CYSLTR2: variants seen among roughly 807,000 people sequenced by gnomAD.
CYSLTR2 encodes cysteinyl leukotriene receptor 2.
For missense variants in CYSLTR2, 398 were observed against 411.9 expected (o/e 0.97, Z 0.29); for synonymous variants, 179 against 160.8 (o/e 1.11, Z -0.86).
intron 1 of CYSLTR2, among the ~76,000 whole-genome samples, chr13:48,681,821 G>A (rs894171849): frequency 3.3e-5 from 5 of 152,092 alleles, no homozygotes; most frequent in South Asian, 2.1e-4. Context: ...TGGAACAAGC[G>A]GTGGTCTTCA....
At chr13:48,656,421 A>T (rs1329666502) in intron 1 of CYSLTR2, among the ~76,000 whole-genome samples, 2 of 152,026 alleles carry the variant, frequency 1.3e-5, no homozygotes, top group South Asian at 4.1e-4. Context: ...TTTTTTCATC[A>T]ATACTCACTC....
chr13:48,707,049 C>A lies in CYSLTR2; in HGVS notation c.232C>A (p.Leu78Ile), dbSNP rs1487808625. 1.2e-6 allele frequency: 2 copies of A among 1,614,168 alleles called. No homozygotes were observed. Among genetic ancestry groups the A allele is most frequent in the African/African-American group, 2.7e-5 (2 of 75,030 alleles). Residue 78 changes from leucine to isoleucine, a missense_variant, in exon 5 of 5, where the codon CTA becomes ATA. By Grantham distance (5) the Leu-to-Ile change is conservative (BLOSUM62 2). Coordinates refer to ENST00000682523, the MANE Select transcript of CYSLTR2 (RefSeq NM_001308476.3). ...GTCCACATCTGTGAACGTTTTCATG[C>A]TAAATCTGGCCATTTCAGATCTCCT... ...KKSTSVNVFM[L>I]NLAISDLLFI...
At chr13:48,695,407 TTCTC>T in intron 3 of CYSLTR2, among the ~76,000 whole-genome samples, 1 of 98,356 alleles carries the variant, frequency 1.0e-5, no homozygotes, top group East Asian at 2.7e-4. Flanking sequence ...CTCTCTCTCT[TTCTC>T]TCTCTCTCTC....
At chr13:48,689,493 C>T (rs1953980460) in intron 1 of CYSLTR2, among the ~76,000 whole-genome samples, 1 of 152,140 alleles carries the variant, frequency 6.6e-6, no homozygotes, top group African/African-American at 2.4e-5. Flanking sequence ...TTTTCCAACA[C>T]CATTTATTAA....
intron 4 of CYSLTR2, among the ~76,000 whole-genome samples, chr13:48,698,585 C>A (rs966091699): frequency 6.6e-6 from 1 of 152,102 alleles, no homozygotes; most frequent in Admixed American, 6.5e-5. Flanking sequence ...TTGTAAAGAC[C>A]ATCAATGCTA....
chr13:48,699,663 A>C (rs148281837), intron 4 of CYSLTR2, among the ~76,000 whole-genome samples: 1 of 152,186 alleles, frequency 6.6e-6, no homozygotes, highest in Non-Finnish European at 1.5e-5. Context: ...AGAAATAACT[A>C]AGATCAAAGT....
intron 1 of CYSLTR2, among the ~76,000 whole-genome samples, chr13:48,679,935 A>C (rs988279946): frequency 6.6e-6 from 1 of 152,200 alleles, no homozygotes; most frequent in Non-Finnish European, 1.5e-5. Flanking sequence ...TAGTATACTC[A>C]GAAGGTCACT....
chr13:48,694,008 T>G (rs1410275556), intron 3 of CYSLTR2, among the ~76,000 whole-genome samples: 1 of 152,078 alleles, frequency 6.6e-6, no homozygotes, highest in Non-Finnish European at 1.5e-5. Context: ...ATTGCAGAAA[T>G]CTCAAAGAAA....
chr13:48,669,648 T>C lies in CYSLTR2; in HGVS notation c.-266+15631T>C, dbSNP rs145236966. On this transcript the variant is annotated intron_variant, in intron 1 of 4. Coordinates refer to ENST00000682523, the MANE Select transcript of CYSLTR2 (RefSeq NM_001308476.3). ...GCTGCATAGTATTCCATGGTGTATATGTACCACGTTTTCTTTATCCAGTCT... is the reference window on the plus strand; with the variant it reads ...GCTGCATAGTATTCCATGGTGTATACGTACCACGTTTTCTTTATCCAGTCT... Among the ~76,000 whole-genome samples the C allele has an allele frequency of 2.9e-3, 440 of 152,380 alleles. 3 individuals are homozygous for C. Among genetic ancestry groups the C allele is most frequent in the Middle Eastern group, 0.017 (5 of 294 alleles).
chr13:48,698,019 T>C (rs1423326140), intron 4 of CYSLTR2, among the ~76,000 whole-genome samples: 2 of 152,162 alleles, frequency 1.3e-5, no homozygotes, highest in Non-Finnish European at 2.9e-5. Context: ...GGGAGGACTA[T>C]GTGAAAAGAC....
At chr13:48,665,506 A>G (rs1266731973) in intron 1 of CYSLTR2, among the ~76,000 whole-genome samples, 1 of 152,066 alleles carries the variant, frequency 6.6e-6, no homozygotes, top group Admixed American at 6.6e-5. Flanking sequence ...TGTTGGGTGC[A>G]TATATACTTA....
chr13:48,655,889 T>C (rs1367755409), intron 1 of CYSLTR2, among the ~76,000 whole-genome samples: 1 of 152,112 alleles, frequency 6.6e-6, no homozygotes, highest in African/African-American at 2.4e-5. Flanking sequence ...TTGTGGGAAA[T>C]TGGTTAAACA....
intron 1 of CYSLTR2, among the ~76,000 whole-genome samples, chr13:48,656,333 C>A (rs1458920285): frequency 6.6e-6 from 1 of 152,142 alleles, no homozygotes; most frequent in Non-Finnish European, 1.5e-5. Flanking sequence ...TGTCACAAAT[C>A]TTATTGTGAT....
intron 1 of CYSLTR2, among the ~76,000 whole-genome samples, chr13:48,687,638 A>G (rs1953930423): frequency 6.6e-6 from 1 of 152,218 alleles, no homozygotes; most frequent in Non-Finnish European, 1.5e-5. Flanking sequence ...AACACATAGT[A>G]TGCAACACAA....
intron 3 of CYSLTR2, among the ~76,000 whole-genome samples, chr13:48,696,085 A>C (rs985097352): frequency 2.0e-5 from 3 of 152,230 alleles, no homozygotes; most frequent in Non-Finnish European, 2.9e-5. Context: ...TTATTTAGCC[A>C]TTCTAATAAG....
chr13:48,677,465 G>T (rs187312936), intron 1 of CYSLTR2, among the ~76,000 whole-genome samples: 1 of 152,294 alleles, frequency 6.6e-6, no homozygotes, highest in African/African-American at 2.4e-5. Context: ...GATGCTCAGA[G>T]AGCAAAGGTT....
intron 1 of CYSLTR2, among the ~76,000 whole-genome samples, chr13:48,689,588 C>T (rs1953983605): frequency 6.6e-6 from 1 of 151,648 alleles, no homozygotes; most frequent in African/African-American, 2.4e-5. Flanking sequence ...TTTCTGAGGC[C>T]TCTGTTCTGT....
chr13:48,677,509 G>A (rs1471028663), intron 1 of CYSLTR2, among the ~76,000 whole-genome samples: 1 of 152,130 alleles, frequency 6.6e-6, no homozygotes, highest in Non-Finnish European at 1.5e-5. Flanking sequence ...TGAGAGTCAA[G>A]CCCGTTCTCC....
At chr13:48,706,345 G>A (rs1230541363) in intron 4 of CYSLTR2, among the ~76,000 whole-genome samples, 7 of 152,216 alleles carry the variant, frequency 4.6e-5, no homozygotes, top group South Asian at 4.1e-4. Context: ...TTAGTTTTCC[G>A]TCTGAAAAAG....
Sources: allele counts gnomAD v4.1 joint callset (sites outside exome capture counted in the v4.1 genomes callset), GRCh38; gene constraint gnomAD v4.1.1; transcripts MANE v1.5; gene names NCBI Gene and HGNC (gene_info 2026-07-23, HGNC 2026-07-21).